TEX261: variants seen among roughly 807,000 people sequenced by gnomAD.
TEX261 encodes testis expressed 261.
Under a neutral mutation model 25.1 loss-of-function variants are expected in TEX261, and 13 were observed. The ratio of observed to expected loss-of-function variants is 0.52; its 90% CI spans 0.34 to 0.82. TEX261 has a LOEUF of 0.82. Among genes scored for constraint, TEX261 ranks in the 40% least tolerant of loss-of-function variants. The pLI is 0.02. For synonymous variants in TEX261, 92 were observed against 97.8 expected (o/e 0.94, Z 0.35); for missense variants, 206 against 243.2 (o/e 0.85, Z 1.02).
chr2:70,988,594 T>C lies in TEX261; in HGVS notation c.*6A>G, dbSNP rs781962550. 6.8e-6 allele frequency: 11 copies of C among 1,605,888 alleles called. No individual in the cohort carries two copies. In the Admixed American group the frequency reaches 1.8e-4, roughly 27 times the overall value. On this transcript the variant is annotated 3_prime_UTR_variant, in exon 6 of 6. Transcript: ENST00000272438. ...TCTTGCCCCCCACATCCTGCCTGCA[T>C]GGGGGTCAGTATATCTTCTGACGAC...
intron 2 of TEX261, among the ~76,000 whole-genome samples, chr2:70,993,066 C>T (rs541302207): frequency 1.3e-5 from 2 of 152,338 alleles, no homozygotes; most frequent in Admixed American, 1.3e-4. Flanking sequence ...GCCCAGAGTG[C>T]ACATGGCTGC....
At chr2:70,989,328 G>C (rs1232058650) in intron 4 of TEX261, 1 of 468,188 alleles carries the variant, frequency 2.1e-6, no homozygotes, top group Admixed American at 3.4e-5. Context: ...CCAAAGAAGT[G>C]ACCTTGCTCT....
At position 70,992,658 on chromosome 2, in the gene TEX261, G is replaced by A. The variant is rs564735915; in HGVS notation, c.151-675C>T. Among the ~76,000 whole-genome samples the A allele has an allele frequency of 2.0e-5, 3 of 151,884 alleles. No homozygotes were observed. In the South Asian group the frequency reaches 6.2e-4, roughly 31 times the overall value. On this transcript the variant is annotated intron_variant, in intron 2 of 5. Coordinates refer to ENST00000272438, the MANE Select transcript of TEX261 (RefSeq NM_144582.3). ...GCAGGAGAATCGCTTGAACCCAGGA[G>A]GCAGAGGTTGCGGTGAGCTGAGATT... is the stretch of plus-strand genomic sequence containing the variant.
At chr2:70,994,293 AGAG>A (rs1463072907) in intron 1 of TEX261, among the ~76,000 whole-genome samples, 2 of 152,272 alleles carry the variant, frequency 1.3e-5, no homozygotes, top group African/African-American at 4.8e-5. Context: ...GGAACCAGCC[AGAG>A]GAGAAGTGTC....
intron 2 of TEX261, among the ~76,000 whole-genome samples, chr2:70,992,260 A>G (rs901211945): frequency 2.7e-5 from 4 of 150,664 alleles, no homozygotes; most frequent in Non-Finnish European, 5.9e-5. Flanking sequence ...AGTAGTTGGG[A>G]CTACAGGCAT....
chr2:70,993,484 TGA>T (rs781915058), intron 2 of TEX261, among the ~76,000 whole-genome samples: 2 of 151,978 alleles, frequency 1.3e-5, no homozygotes, highest in Non-Finnish European at 2.9e-5. Context: ...AGGCCTGCAG[TGA>T]AACAATGCCA....
rs771135909 is a variant in TEX261, at chr2:70,991,899, C to G, written c.235G>C (p.Val79Leu). 15 of 1,613,928 alleles carry G rather than the reference C, an allele frequency of 9.3e-6. No homozygotes were observed. ...AAGGTCTGGAGGAGGCCAAAGTAGA[C>G]GAGGTTGGTGAATAGGCCCACTCCA... is the stretch of plus-strand genomic sequence containing the variant. ...MIGVGLFTNLVYFGLLQTFPF... is the reference protein window; with the variant it reads ...MIGVGLFTNLLYFGLLQTFPF... The change falls in exon 3 of 6, where the codon GTC (valine) becomes CTC (leucine). Residue 79 changes from valine to leucine, a missense_variant. Transcript: ENST00000272438.
chr2:70,988,884 C>T (rs782148873), intron 5 of TEX261, 31 bp downstream of exon 5: 18 of 1,608,736 alleles, frequency 1.1e-5, no homozygotes, highest in Admixed American at 3.4e-5. Flanking sequence ...TGGCTTGCCC[C>T]CACCTGGGCC....
At chr2:70,992,511 C>T (rs1670322288) in intron 2 of TEX261, among the ~76,000 whole-genome samples, 1 of 152,156 alleles carries the variant, frequency 6.6e-6, no homozygotes, top group Admixed American at 6.5e-5. Context: ...AGGCAGATCA[C>T]CTGAGGTTGG....
chr2:70,989,493 C>T (rs782205971), intron 4 of TEX261: 3 of 495,806 alleles, frequency 6.1e-6, no homozygotes, highest in Non-Finnish European at 1.1e-5. Flanking sequence ...CCCTTCCTGA[C>T]CTCAGGATGA....
At position 70,989,737 on chromosome 2, in the gene TEX261, G is replaced by A. The variant is rs1670266014; in HGVS notation, c.372+12C>T. On this transcript the variant is annotated intron_variant, in intron 4 of 5. Coordinates refer to ENST00000272438, the MANE Select transcript of TEX261 (RefSeq NM_144582.3). ...TCCCTGTTAACAGCTGAATGTGCTG[G>A]ACACTTCTTACCTCTGAGAAGGGAT... 2.5e-6 allele frequency: 4 copies of A among 1,597,408 alleles called. No individual in the cohort carries two copies. The highest frequency in any genetic ancestry group is 2.7e-5 in the African/African-American group (2 of 74,524).
At chr2:70,993,830 T>C in intron 1 of TEX261, 55 bp from the exon 2 acceptor site, 1 of 1,402,244 alleles carries the variant, frequency 7.1e-7, no homozygotes, top group Non-Finnish European at 1.0e-6. Flanking sequence ...ACCATCCTGG[T>C]CACCCCTCTC....
At chr2:70,994,639 AC>A in intron 1 of TEX261, 48 bp downstream of exon 1, 6 of 1,562,042 alleles carry the variant, frequency 3.8e-6, no homozygotes, top group Non-Finnish European at 5.2e-6. Flanking sequence ...CCCAACGAGC[AC>A]CGATGCCGGG....
chr2:70,993,087 C>G (rs1271145916), intron 2 of TEX261, among the ~76,000 whole-genome samples: 2 of 152,200 alleles, frequency 1.3e-5, no homozygotes, highest in African/African-American at 4.8e-5. Flanking sequence ...TGACACCAGG[C>G]GACTTGAGGG....
intron 3 of TEX261, 124 bp downstream of exon 3, chr2:70,991,706 C>T: frequency 8.3e-7 from 1 of 1,209,838 alleles, no homozygotes; most frequent in Admixed American, 2.4e-5. Context: ...ATCTTCCCAA[C>T]TAGCCTGGCT....
rs782612786 is a variant in TEX261 at position 70,994,789 on chromosome 2, G to A, written c.-32C>T. On this transcript the variant is annotated 5_prime_UTR_variant, in exon 1 of 6. Coordinates refer to ENST00000272438, the MANE Select transcript of TEX261 (RefSeq NM_144582.3). ...CCCACCCGCCCGCTCCCCGGCCACC[G>A]GGACGGGCCTGCGCGCTTCGGCTCC... 1.9e-5 allele frequency: 29 copies of A among 1,551,824 alleles called. No individual in the cohort carries two copies. In the Admixed American group the frequency reaches 2.7e-4, roughly 14 times the overall value.
intron 1 of TEX261, among the ~76,000 whole-genome samples, chr2:70,994,063 G>A (rs1553425946): frequency 6.6e-6 from 1 of 152,248 alleles, no homozygotes; most frequent in Non-Finnish European, 1.5e-5. Flanking sequence ...ACACCTGCTG[G>A]GCACTTGGCA....
chr2:70,993,127 C>G (rs552770759), intron 2 of TEX261, among the ~76,000 whole-genome samples: 17 of 152,208 alleles, frequency 1.1e-4, no homozygotes, highest in Non-Finnish European at 5.9e-5. Flanking sequence ...CAATGGCACC[C>G]CTACCCCCAG....
intron 3 of TEX261, among the ~76,000 whole-genome samples, chr2:70,991,234 C>G (rs2104872588): frequency 6.6e-6 from 1 of 152,346 alleles, no homozygotes; most frequent in South Asian, 2.1e-4. Flanking sequence ...AGCTAAGGCC[C>G]AGAGAGGGCC....
Sources: allele counts gnomAD v4.1 joint callset (sites outside exome capture counted in the v4.1 genomes callset), GRCh38; gene constraint gnomAD v4.1.1; transcripts MANE v1.5; gene names NCBI Gene and HGNC (gene_info 2026-07-23, HGNC 2026-07-21).